The following RERE variants were observed in gnomAD, a reference collection of about 807,000 sequenced individuals.
RERE encodes the protein arginine-glutamic acid dipeptide repeats.
RERE carries 40 observed loss-of-function variants against 146.1 expected under a neutral mutation model. The observed-to-expected ratio is 0.27, with a 90% CI of 0.21 to 0.36. The LOEUF (loss-of-function observed/expected upper bound fraction) is 0.36, where lower values mean the gene tolerates loss of function less well. RERE is among the 10% of genes least tolerant of loss of function. The probability of loss-of-function intolerance (pLI) is 1.00; values close to 1 mark genes in which losing one functional copy is unlikely to be tolerated. For synonymous variants in RERE, 1,003 were observed against 866.0 expected (o/e 1.16, Z -2.78); for missense variants, 1,933 against 2,138.7 (o/e 0.90, Z 1.90).
intron 7 of RERE, among the ~76,000 whole-genome samples, chr1:8,529,414 C>A (rs936147437): frequency 6.7e-6 from 1 of 150,142 alleles, no homozygotes; most frequent in South Asian, 2.1e-4. Flanking sequence ...CTCAGTCTCC[C>A]GAGTAGCTGG....
Position 8,583,511 on chromosome 1 carries a change from C to T in RERE, c.523-25988G>A, listed in dbSNP as rs898828224. Among the ~76,000 whole-genome samples the T allele has an allele frequency of 1.2e-4, 19 of 152,182 alleles. No individual in the cohort carries two copies. In the East Asian group the frequency reaches 1.5e-3, roughly 12 times the overall value. ...TGAAGCCTGGTGGGGTTGCCCATGC[C>T]GACAGCAGGTCAGAACCCCCAGAGA... On this transcript the variant is annotated intron_variant, in intron 4 of 22. Transcript: ENST00000400908.
intron 7 of RERE, among the ~76,000 whole-genome samples, chr1:8,510,589 C>T (rs1645321928): frequency 6.6e-6 from 1 of 152,218 alleles, no homozygotes; most frequent in African/African-American, 2.4e-5. Flanking sequence ...ATCACAAGCG[C>T]TTCTTTAAGA....
intron 1 of RERE, among the ~76,000 whole-genome samples, chr1:8,761,648 T>C (rs774648836): frequency 6.6e-6 from 1 of 152,210 alleles, no homozygotes; most frequent in Non-Finnish European, 1.5e-5. Context: ...CCGGGCATGG[T>C]GGCTCATGCC....
intron 2 of RERE, among the ~76,000 whole-genome samples, chr1:8,643,912 A>C (rs940986643): frequency 6.6e-6 from 1 of 152,210 alleles, no homozygotes; most frequent in African/African-American, 2.4e-5. Context: ...ACAATCCCAC[A>C]TTATACCATT....
intron 4 of RERE, among the ~76,000 whole-genome samples, chr1:8,610,229 A>G (rs1375781167): frequency 6.6e-6 from 1 of 152,238 alleles, no homozygotes; most frequent in Non-Finnish European, 1.5e-5. Flanking sequence ...AGATTTTGCC[A>G]GCAGTTTCAG....
In RERE at chr1:8,428,260, C is replaced by G. The variant is rs923326378; in HGVS notation, c.1204-5453G>C. 3.9e-5 allele frequency among the ~76,000 whole-genome samples: 6 copies of G among 152,178 alleles called. No individual in the cohort carries two copies. The East Asian group carries it at 1.2e-3, about 29-fold the overall frequency. On this transcript the variant is annotated intron_variant, in intron 11 of 22. Transcript: ENST00000400908. Reference sequence around the variant, plus strand: ...AGCTCATAGCCTGCCCACTCTCAGACGCACGAACTGAGCGTCTTGAGATGT... The same window carrying G: ...AGCTCATAGCCTGCCCACTCTCAGAGGCACGAACTGAGCGTCTTGAGATGT...
intron 1 of RERE, among the ~76,000 whole-genome samples, chr1:8,773,418 G>A (rs1182475156): frequency 6.6e-6 from 1 of 152,176 alleles, no homozygotes; most frequent in Non-Finnish European, 1.5e-5. Flanking sequence ...TGCTGGCCGG[G>A]TACGGTGGCT....
intron 1 of RERE, among the ~76,000 whole-genome samples, chr1:8,743,427 T>TAA (rs1640352674): frequency 1.6e-4 from 1 of 6,150 alleles, no homozygotes; most frequent in South Asian, 2.3e-3. Flanking sequence ...TACAGGCTAA[T>TAA]TTTTTTTTTT....
chr1:8,683,216 G>A (rs1639013153), intron 1 of RERE, among the ~76,000 whole-genome samples: 1 of 152,018 alleles, frequency 6.6e-6, no homozygotes, highest in Admixed American at 6.6e-5. Flanking sequence ...CCAGCCTCAC[G>A]CCAAGCCATC....
In RERE at chr1:8,485,090, G is replaced by A. The variant is rs1054518369; in HGVS notation, c.1104+9973C>T. On this transcript the variant is annotated intron_variant, in intron 10 of 22. Transcript: ENST00000400908. Reference sequence around the variant, plus strand: ...ACTATTAAGAATGTGGGCCGGATCCGGTGGCTTACTCCTGTAACCCCAGCA... The same window carrying A: ...ACTATTAAGAATGTGGGCCGGATCCAGTGGCTTACTCCTGTAACCCCAGCA... Among the ~76,000 whole-genome samples, 13 of 152,160 alleles carry A rather than the reference G, an allele frequency of 8.5e-5. No individual in the cohort carries two copies. In the South Asian group the frequency reaches 1.0e-3, roughly 12 times the overall value.
chr1:8,588,354 T>C (rs1210736548), intron 4 of RERE, among the ~76,000 whole-genome samples: 1 of 152,228 alleles, frequency 6.6e-6, no homozygotes, highest in Non-Finnish European at 1.5e-5. Context: ...TCTGACTTTT[T>C]AAATTCATCA....
At chr1:8,731,689 A>T (rs1025574924) in intron 1 of RERE, among the ~76,000 whole-genome samples, 1 of 152,078 alleles carries the variant, frequency 6.6e-6, no homozygotes, top group Non-Finnish European at 1.5e-5. Context: ...GGTGGAAAAA[A>T]ACAAGAAAAC....
At chr1:8,403,858 G>T (rs1202648297) in intron 12 of RERE, among the ~76,000 whole-genome samples, 1 of 76,514 alleles carries the variant, frequency 1.3e-5, no homozygotes. Context: ...TGAGATGGGA[G>T]TCTCACTCTG....
intron 7 of RERE, among the ~76,000 whole-genome samples, chr1:8,524,770 A>G (rs940561970): frequency 2.6e-5 from 4 of 152,228 alleles, no homozygotes; most frequent in African/African-American, 4.8e-5. Context: ...AGTGAAAGCC[A>G]TCTGTCTGAA....
Position 8,540,752 on chromosome 1 carries a change from A to C in RERE, c.830+462T>G, listed in dbSNP as rs186897275. On this transcript the variant is annotated intron_variant, in intron 7 of 22. Transcript: ENST00000400908. Reference sequence around the variant, plus strand: ...TGACTCATACTAGTAGTCTTACTAAAGATATTTCAGTGTGTGTTCCTGGAG... The same window carrying C: ...TGACTCATACTAGTAGTCTTACTAACGATATTTCAGTGTGTGTTCCTGGAG... Among the ~76,000 whole-genome samples the C allele has an allele frequency of 4.6e-5, 7 of 152,312 alleles. 1 individual carries two copies. In the East Asian group the frequency reaches 1.3e-3, roughly 29 times the overall value.
chr1:8,637,826 C>T (rs527320063), intron 2 of RERE, among the ~76,000 whole-genome samples: 1 of 152,302 alleles, frequency 6.6e-6, no homozygotes, highest in South Asian at 2.1e-4. Context: ...AGGCCAAAGC[C>T]CTACGATACA....
At chr1:8,717,992 A>G (rs1639794379) in intron 1 of RERE, among the ~76,000 whole-genome samples, 1 of 152,252 alleles carries the variant, frequency 6.6e-6, no homozygotes, top group Admixed American at 6.5e-5. Context: ...CAAGCTGGAA[A>G]AACTATAATC....
At chr1:8,413,885 A>G (rs1643683419) in intron 12 of RERE, among the ~76,000 whole-genome samples, 3 of 151,710 alleles carry the variant, frequency 2.0e-5, no homozygotes, top group African/African-American at 7.3e-5. Context: ...GTGAAACCTC[A>G]TCTCTACTAA....
intron 12 of RERE, among the ~76,000 whole-genome samples, chr1:8,408,725 G>A (rs1643525398): frequency 1.3e-5 from 2 of 152,142 alleles, no homozygotes; most frequent in Non-Finnish European, 2.9e-5. Flanking sequence ...CAAAATAAAA[G>A]CAGAAAAGAG....
Sources: allele counts gnomAD v4.1 joint callset (sites outside exome capture counted in the v4.1 genomes callset), GRCh38; gene constraint gnomAD v4.1.1; transcripts MANE v1.5; gene names NCBI Gene and HGNC (gene_info 2026-07-23, HGNC 2026-07-21).